Variants in HABP4 observed in about 807,000 individuals in gnomAD.
The protein encoded by HABP4 is hyaluronan binding protein 4, also known as intracellular hyaluronan-binding protein 4.
HABP4 carries 32 observed loss-of-function variants against 44.1 expected under a neutral mutation model. The ratio of observed to expected loss-of-function variants is 0.73; its 90% CI spans 0.55 to 0.97. The LOEUF is 0.97. Ranked by LOEUF, HABP4 falls within the 50% of genes least tolerant of loss-of-function variation. The probability of loss-of-function intolerance (pLI) is 0.00; values close to 1 mark genes in which losing one functional copy is unlikely to be tolerated. For synonymous variants in HABP4, 216 were observed against 218.0 expected (o/e 0.99, Z 0.08); for missense variants, 503 against 561.9 (o/e 0.90, Z 1.06).
chr9:96,471,059 G>A lies in HABP4; in HGVS notation c.792G>A (p.Glu264=), dbSNP rs778827451. The part of the protein sequence containing the change: ...APMEEPTVVE[E]SQGTPEEESP... ...TGGAGGAACCCACAGTGGTGGAGGAGTCCCAGGGCACCCCGGAAGAGGAGT... is the reference window on the plus strand; with the variant it reads ...TGGAGGAACCCACAGTGGTGGAGGAATCCCAGGGCACCCCGGAAGAGGAGT... Residue 264 remains glutamate (E), a synonymous_variant, in exon 5 of 8, where the codon GAG becomes GAA. Transcript: ENST00000375249. The A allele has an allele frequency of 1.2e-6, 2 of 1,606,226 alleles. No homozygotes were observed. Among genetic ancestry groups the A allele is most frequent in the African/African-American group, 2.7e-5 (2 of 74,904 alleles).
rs1832717882 is a variant in HABP4 at position 96,472,700 on chromosome 9, C to G, written c.827+1606C>G. On this transcript the variant is annotated intron_variant, in intron 5 of 7. Coordinates refer to ENST00000375249, the MANE Select transcript of HABP4 (RefSeq NM_014282.4). Reference sequence around the variant, plus strand: ...GTCTTCCAGTCAGCATTTAAACATGCTCAGTCTCTCCTGCGTAAGTGTCCT... The same window carrying G: ...GTCTTCCAGTCAGCATTTAAACATGGTCAGTCTCTCCTGCGTAAGTGTCCT... 3.3e-5 allele frequency among the ~76,000 whole-genome samples: 5 copies of G among 152,194 alleles called. No individual in the cohort carries two copies. In the South Asian group the frequency reaches 1.0e-3, roughly 31 times the overall value.
rs971723747 is a variant in HABP4, at chr9:96,477,400, C to T, written c.827+6306C>T. 2.0e-5 allele frequency among the ~76,000 whole-genome samples: 3 copies of T among 152,258 alleles called. No individual in the cohort carries two copies. The South Asian group carries it at 6.2e-4, about 32-fold the overall frequency. On this transcript the variant is annotated intron_variant, in intron 5 of 7. Coordinates refer to ENST00000375249, the MANE Select transcript of HABP4 (RefSeq NM_014282.4). ...TAAGTTGTTCAGCTTAAAGCTGTTA[C>T]CAAATCACGGCCACTCCTGTTTCAT...
At chr9:96,480,937 A>G (rs1298680782) in intron 5 of HABP4, among the ~76,000 whole-genome samples, 1 of 152,058 alleles carries the variant, frequency 6.6e-6, no homozygotes, top group Non-Finnish European at 1.5e-5. Context: ...AAATTTGTCT[A>G]TTTTGGATGC....
Position 96,450,644 on chromosome 9 carries a change from G to A in HABP4, c.349+16G>A, listed in dbSNP as rs764803399. 7.9e-7 allele frequency: 1 copy of A among 1,260,996 alleles called. No homozygotes were observed. The highest frequency in any genetic ancestry group is 1.0e-6 in the Non-Finnish European group (1 of 1,002,892). The allele number at this position is 1,260,996 out of a possible 1,614,324, so 78.1% of individuals were successfully genotyped here. A position where few individuals can be genotyped will look rare whatever the true frequency, so the allele number is the denominator to read the frequency against. ...CAGGCGCCGGGTACGCGGGGACAGC[G>A]GGGTTAGCGGACCACGGCTCGGCCC... On this transcript the variant is annotated intron_variant, in intron 1 of 7. Coordinates refer to ENST00000375249, the MANE Select transcript of HABP4 (RefSeq NM_014282.4). This position sits in a 1 kb window ranked among gnomAD's most constrained non-coding sequence, Gnocchi z 4.8.
In HABP4 at chr9:96,450,209, T is replaced by C; in HGVS notation, c.-71T>C. 1 of 1,268,142 alleles carries C rather than the reference T, an allele frequency of 7.9e-7. No individual in the cohort carries two copies. The highest frequency in any genetic ancestry group is 1.0e-6 in the Non-Finnish European group (1 of 1,001,336). 78.6% of individuals were successfully genotyped at this position (1,268,142 alleles called of 1,614,324 possible). A position where few individuals can be genotyped will look rare whatever the true frequency, so the allele number is the denominator to read the frequency against. On this transcript the variant is annotated 5_prime_UTR_variant, in exon 1 of 8. Coordinates refer to ENST00000375249, the MANE Select transcript of HABP4 (RefSeq NM_014282.4). This position sits in a 1 kb window ranked among gnomAD's most constrained non-coding sequence, Gnocchi z 4.8. ...GTGGCGGCGGAGCGGGCGGCATGGG[T>C]CCTGGCCGCCGGCTTCGCTGAGACG...
chr9:96,451,477 G>T (rs1325056276), intron 1 of HABP4: 6 of 984,890 alleles, frequency 6.1e-6, no homozygotes, highest in Admixed American at 6.2e-5. Flanking sequence ...ATGAGGCAGC[G>T]GTCCCAAGGT....
chr9:96,489,004 G>A (rs1229401513), intron 7 of HABP4, among the ~76,000 whole-genome samples: 1 of 152,122 alleles, frequency 6.6e-6, no homozygotes, highest in African/African-American at 2.4e-5. Flanking sequence ...GCTTCCTAAT[G>A]TGGTATGGAC....
intron 1 of HABP4, among the ~76,000 whole-genome samples, chr9:96,453,410 C>G (rs1260611207): frequency 6.7e-6 from 1 of 149,860 alleles, no homozygotes; most frequent in Non-Finnish European, 1.5e-5. Context: ...GGGGTTTCAC[C>G]ATGTTGTCCA....
chr9:96,461,654 A>G (rs1423271543), intron 2 of HABP4, among the ~76,000 whole-genome samples: 2 of 152,166 alleles, frequency 1.3e-5, no homozygotes, highest in Non-Finnish European at 2.9e-5. Flanking sequence ...TGACAAGACT[A>G]CTACACACAT....
At chr9:96,451,963 C>G (rs1316955974) in intron 1 of HABP4, among the ~76,000 whole-genome samples, 1 of 152,098 alleles carries the variant, frequency 6.6e-6, no homozygotes, top group Non-Finnish European at 1.5e-5. Context: ...TGTGGTGGCT[C>G]ACGCCTGTAA....
intron 1 of HABP4, among the ~76,000 whole-genome samples, chr9:96,455,988 G>T (rs1001317959): frequency 6.6e-6 from 1 of 152,130 alleles, no homozygotes; most frequent in Non-Finnish European, 1.5e-5. Context: ...CTGGGAGGCG[G>T]AGGTTGCAGT....
intron 2 of HABP4, among the ~76,000 whole-genome samples, chr9:96,460,302 G>A (rs577827130): frequency 2.0e-4 from 31 of 151,894 alleles, no homozygotes; most frequent in African/African-American, 6.3e-4. Flanking sequence ...TCTGCCCTTC[G>A]AGACCCCCCA....
intron 2 of HABP4, among the ~76,000 whole-genome samples, chr9:96,460,096 C>G (rs1177712754): frequency 6.6e-6 from 1 of 152,058 alleles, no homozygotes; most frequent in Non-Finnish European, 1.5e-5. Flanking sequence ...TGTTTCCCCC[C>G]TTTTTTAGTA....
Position 96,450,462 on chromosome 9 carries a change from G to C in HABP4, c.183G>C (p.Ala61=). 2.4e-6 allele frequency: 3 copies of C among 1,231,290 alleles called. No homozygotes were observed. Among genetic ancestry groups the C allele is most frequent in the Non-Finnish European group, 3.1e-6 (3 of 982,326 alleles). 76.3% of individuals were successfully genotyped at this position (1,231,290 alleles called of 1,614,324 possible). A position where few individuals can be genotyped will look rare whatever the true frequency, so the allele number is the denominator to read the frequency against. The stretch of plus-strand genomic sequence containing the variant: ...TGCAGCGCAAGAGGCGCGACGAGGC[G>C]GCGGCGGCGGCCGGGGCCGGTCCCC... ...QQLQRKRRDE[A]AAAAGAGPRG... is the part of the protein sequence containing the mutation. Residue 61 remains alanine, a synonymous_variant, in exon 1 of 8, where the codon GCG becomes GCC. Coordinates refer to ENST00000375249, the MANE Select transcript of HABP4 (RefSeq NM_014282.4). The surrounding 1 kb of genome is among the most constrained non-coding windows in gnomAD (Gnocchi z 4.8).
chr9:96,476,949 G>A (rs1208099379), intron 5 of HABP4, among the ~76,000 whole-genome samples: 3 of 152,230 alleles, frequency 2.0e-5, no homozygotes, highest in African/African-American at 7.2e-5. Flanking sequence ...TGATACTGCT[G>A]AAGGAGGCTG....
Position 96,484,490 on chromosome 9 carries a change from A to T in HABP4, c.856A>T (p.Thr286Ser), listed in dbSNP as rs1370711718. The T allele has an allele frequency of 6.4e-6, 10 of 1,565,138 alleles. No individual in the cohort carries two copies. The highest frequency in any genetic ancestry group is 7.0e-6 in the Non-Finnish European group (8 of 1,136,946). Residue 286 changes from threonine (T) to serine (S), a missense_variant, in exon 6 of 8, where the codon ACC becomes TCC. Physicochemically the swap from Thr to Ser is moderately conservative, Grantham distance 58. Around this residue, in one of 3 missense-constraint regions of HABP4, gnomAD observed 131 missense variants for 189.8 expected, o/e 0.69. Coordinates refer to ENST00000375249, the MANE Select transcript of HABP4 (RefSeq NM_014282.4). ...TCCTGAGTTGGAGGTAGAAGAAGAA[A>T]CCCAAGTTCAAGAGATGACTTTAGA... is the stretch of plus-strand genomic sequence containing the variant. ...KVPELEVEEETQVQEMTLDEW... is the reference protein window; with the variant it reads ...KVPELEVEEESQVQEMTLDEW...
intron 5 of HABP4, among the ~76,000 whole-genome samples, chr9:96,473,372 C>G (rs13290716): frequency 0.026 from 3,891 of 152,262 alleles, 73 homozygotes; most frequent in Middle Eastern, 0.051. Flanking sequence ...CTTCTTGACC[C>G]TCCTCTTTCC....
At chr9:96,460,139 TA>T (rs1241156033) in intron 2 of HABP4, among the ~76,000 whole-genome samples, 1 of 152,134 alleles carries the variant, frequency 6.6e-6, no homozygotes, top group Non-Finnish European at 1.5e-5. Flanking sequence ...AAGGATAAAA[TA>T]GATCTTTATA....
chr9:96,451,395 G>A (rs1832274545), intron 1 of HABP4: 1 of 783,754 alleles, frequency 1.3e-6, no homozygotes, highest in Non-Finnish European at 1.5e-6. Flanking sequence ...GTGCTTCAGA[G>A]TTCATTCTCT....
Sources: gnomAD v4.1 joint callset for allele counts (sites outside exome capture counted in the v4.1 genomes callset) on GRCh38, gnomAD v4.1.1 for gene constraint, gnomAD v4.1.1 regional missense constraint, Gnocchi (gnomAD v3.1) non-coding constraint, MANE v1.5 for transcripts, NCBI Gene and HGNC (gene_info 2026-07-23, HGNC 2026-07-21) for gene names.